RTL4: variants seen among roughly 807,000 people sequenced by gnomAD.
RTL4 encodes retrotransposon Gag-like protein 4.
Under a neutral mutation model 5.3 loss-of-function variants are expected in RTL4, and 4 were observed. The ratio of observed to expected loss-of-function variants is 0.75; its 90% confidence interval spans 0.37 to 1.72. The LOEUF (loss-of-function observed/expected upper bound fraction) is 1.72, where lower values mean the gene tolerates loss of function less well. RTL4 is among the 40% of genes most tolerant of loss of function. RTL4 has a pLI of 0.04. For synonymous variants in RTL4, 98 were observed against 87.3 expected (o/e 1.12, Z -0.68); for missense variants, 260 against 227.1 (o/e 1.14, Z -0.93).
chrX:112,185,625 CCTCT>C, the RTL4 span, among the ~76,000 whole-genome samples: 2 of 103,959 alleles, frequency 1.9e-5, no homozygotes, highest in Non-Finnish European at 3.9e-5. Flanking sequence ...TCTCTCTCTC[CCTCT>C]CTCTCTCTCA....
the RTL4 span, among the ~76,000 whole-genome samples, chrX:112,314,768 C>T: frequency 1.4e-4 from 15 of 110,995 alleles, no homozygotes; most frequent in African/African-American, 4.9e-4. Context: ...TTACCAGCCC[C>T]ACTTTTCTCA....
chrX:112,282,406 A>ACC, the RTL4 span, among the ~76,000 whole-genome samples: 1 of 111,873 alleles, frequency 8.9e-6, no homozygotes, highest in Non-Finnish European at 1.9e-5. Flanking sequence ...ATACTATACT[A>ACC]CCTTGAAGTC....
chrX:112,262,875 T>C, the RTL4 span, among the ~76,000 whole-genome samples: 1 of 110,202 alleles, frequency 9.1e-6, no homozygotes, highest in Non-Finnish European at 1.9e-5. Context: ...TAAAAAAGGA[T>C]GAGTTCATGT....
the RTL4 span, among the ~76,000 whole-genome samples, chrX:112,241,971 A>T: frequency 9.2e-6 from 1 of 109,236 alleles, no homozygotes; most frequent in African/African-American, 3.3e-5. Flanking sequence ...GCCATTTCTT[A>T]TTTTTGTCAG....
At chrX:112,302,835 C>T in the RTL4 span, among the ~76,000 whole-genome samples, 1 of 112,582 alleles carries the variant, frequency 8.9e-6, no homozygotes, top group Non-Finnish European at 1.9e-5. Context: ...GCTACTACTG[C>T]TATTTGAACT....
the RTL4 span, among the ~76,000 whole-genome samples, chrX:112,374,638 T>A: frequency 3.6e-5 from 4 of 112,241 alleles, no homozygotes; most frequent in African/African-American, 9.7e-5. Context: ...CCTCTGTTTA[T>A]TTAAGTTTTT....
At chrX:112,454,921 C>T (rs1926809037) in exon 1 of RTL4, 1 of 1,208,344 alleles carries the variant, frequency 8.3e-7, no homozygotes, top group Admixed American at 2.2e-5. Flanking sequence ...CACCCAGTTT[C>T]ATGGTGACCC....
the RTL4 span, among the ~76,000 whole-genome samples, chrX:112,142,103 T>C: frequency 8.9e-6 from 1 of 112,429 alleles, no homozygotes; most frequent in African/African-American, 3.2e-5. Context: ...CTGAGGGTCA[T>C]ATAGCCAAAT....
chrX:112,155,296 T>A, the RTL4 span, among the ~76,000 whole-genome samples: 4 of 111,049 alleles, frequency 3.6e-5, no homozygotes, highest in Admixed American at 2.9e-4. Flanking sequence ...CTTTTCTTTT[T>A]AAATTTTTTG....
At chrX:112,091,716 T>A in the RTL4 span, among the ~76,000 whole-genome samples, 1 of 111,059 alleles carries the variant, frequency 9.0e-6, no homozygotes, top group Admixed American at 9.6e-5. Flanking sequence ...TATTCTGCTG[T>A]TTTGGGGTGA....
the RTL4 span, among the ~76,000 whole-genome samples, chrX:112,085,636 C>T: frequency 8.9e-6 from 1 of 111,742 alleles, no homozygotes; most frequent in Admixed American, 9.5e-5. Context: ...CCAGTAGGAA[C>T]CCACACCCCA....
chrX:112,180,157 C>G, the RTL4 span, among the ~76,000 whole-genome samples: 1 of 110,914 alleles, frequency 9.0e-6, no homozygotes, highest in Non-Finnish European at 1.9e-5. Flanking sequence ...TTTCTGATAG[C>G]CTGTGTGTGA....
At chrX:112,401,794 C>T in the RTL4 span, among the ~76,000 whole-genome samples, 1 of 112,010 alleles carries the variant, frequency 8.9e-6, no homozygotes, top group African/African-American at 3.2e-5. Flanking sequence ...GATGTTACTG[C>T]CAGATATTCT....
the RTL4 span, among the ~76,000 whole-genome samples, chrX:112,383,416 A>C: frequency 8.9e-6 from 1 of 112,295 alleles, no homozygotes; most frequent in South Asian, 3.7e-4. Context: ...CTTTATTTAC[A>C]TGTAAATTGA....
chrX:112,423,084 C>G, the RTL4 span, among the ~76,000 whole-genome samples: 1 of 107,010 alleles, frequency 9.3e-6, no homozygotes, highest in Non-Finnish European at 1.9e-5. Flanking sequence ...ACAAGCATGT[C>G]TTTGTGTTGT....
chrX:112,415,239 G>A, the RTL4 span, among the ~76,000 whole-genome samples: 1 of 110,979 alleles, frequency 9.0e-6, no homozygotes, highest in Admixed American at 9.6e-5. Flanking sequence ...GGCCCATCAG[G>A]ACTTCTAATA....
chrX:112,279,681 A>G, the RTL4 span, among the ~76,000 whole-genome samples: 1 of 111,344 alleles, frequency 9.0e-6, no homozygotes, highest in South Asian at 3.7e-4. Context: ...GGTTGAAGCT[A>G]AAGGGAGAAA....
chrX:112,396,109 A>C, the RTL4 span, among the ~76,000 whole-genome samples: 5 of 111,366 alleles, frequency 4.5e-5, no homozygotes, highest in African/African-American at 1.6e-4. Context: ...GGCTTGCCAG[A>C]GTTCCAATTC....
chrX:112,108,626 A>G, the RTL4 span, among the ~76,000 whole-genome samples: 2 of 111,371 alleles, frequency 1.8e-5, no homozygotes, highest in Admixed American at 9.5e-5. Flanking sequence ...ATAGGCCTGT[A>G]GCCTATATCC....
Sources: allele counts gnomAD v4.1 joint callset (sites outside exome capture counted in the v4.1 genomes callset), GRCh38; gene constraint gnomAD v4.1.1; transcripts MANE v1.5; gene names NCBI Gene and HGNC (gene_info 2026-07-23, HGNC 2026-07-21).